FRMD3: variants seen among roughly 807,000 people sequenced by gnomAD.
The protein encoded by FRMD3 is FERM domain containing 3.
FRMD3 carries 33 observed loss-of-function variants against 70.2 expected under a neutral mutation model. The observed-to-expected ratio is 0.47, with a 90% CI of 0.36 to 0.63. FRMD3 has a LOEUF of 0.63. Among genes scored for constraint, FRMD3 ranks in the 20% least tolerant of loss-of-function variants. The pLI, the probability that FRMD3 is intolerant of heterozygous loss-of-function variation, is 0.00. For missense variants in FRMD3, 632 were observed against 711.4 expected, an observed-to-expected ratio of 0.89 and a Z score of 1.27; for synonymous variants, 279 against 255.9, an observed-to-expected ratio of 1.09 and a Z score of -0.86.
intron 1 of FRMD3, among the ~76,000 whole-genome samples, chr9:83,498,032 C>A (rs1306886211): frequency 6.6e-6 from 1 of 152,122 alleles, no homozygotes; most frequent in South Asian, 2.1e-4. Context: ...CCTGTAATCC[C>A]AGCTCCTTGG....
chr9:83,490,796 T>A (rs35981439), intron 1 of FRMD3, among the ~76,000 whole-genome samples: 34,314 of 110,622 alleles, frequency 0.31, 4,459 homozygotes, highest in East Asian at 0.45. Flanking sequence ...TCTCTCTCTC[T>A]CTCACACACA....
chr9:83,577,151 A>G, the FRMD3 span, among the ~76,000 whole-genome samples: 1 of 152,236 alleles, frequency 6.6e-6, no homozygotes, highest in Non-Finnish European at 1.5e-5. Context: ...AATACCCTCA[A>G]ATTGATCTAT....
chr9:83,494,102 C>T (rs1266881034), intron 1 of FRMD3, among the ~76,000 whole-genome samples: 1 of 152,210 alleles, frequency 6.6e-6, no homozygotes, highest in Admixed American at 6.5e-5. Flanking sequence ...ATGGGTGTAG[C>T]AGTGCCAACA....
At chr9:83,278,229 A>T (rs998944457) in intron 13 of FRMD3, among the ~76,000 whole-genome samples, 2 of 152,202 alleles carry the variant, frequency 1.3e-5, no homozygotes, top group African/African-American at 4.8e-5. Flanking sequence ...CAGCCTATTC[A>T]AGGGAGAACG....
intron 3 of FRMD3, 34 bp from the exon 4 acceptor site, chr9:83,349,791 C>T (rs1452015791): frequency 6.6e-7 from 1 of 1,518,260 alleles, no homozygotes; most frequent in Non-Finnish European, 9.1e-7. Flanking sequence ...ATGAGAAAAG[C>T]AGCAAAAGAC....
intron 3 of FRMD3, among the ~76,000 whole-genome samples, chr9:83,359,278 G>A (rs1236081075): frequency 2.6e-5 from 4 of 152,196 alleles, no homozygotes. Flanking sequence ...GGAATGCTGA[G>A]TGGTTGCCTC....
chr9:83,282,361 G>A (rs1017140222), intron 13 of FRMD3, among the ~76,000 whole-genome samples: 6 of 152,148 alleles, frequency 3.9e-5, no homozygotes, highest in South Asian at 2.1e-4. Flanking sequence ...CGTCTAAAAC[G>A]TAACTGTTCA....
intron 1 of FRMD3, among the ~76,000 whole-genome samples, chr9:83,425,409 G>A (rs574072640): frequency 2.0e-5 from 3 of 152,212 alleles, no homozygotes; most frequent in South Asian, 4.2e-4. Flanking sequence ...GGAGAGGTGG[G>A]GGCCATCAGA....
At chr9:83,342,804 T>C (rs1450788315) in intron 5 of FRMD3, among the ~76,000 whole-genome samples, 1 of 152,066 alleles carries the variant, frequency 6.6e-6, no homozygotes, top group African/African-American at 2.4e-5. Flanking sequence ...AGATGCAGAT[T>C]CCCCTCTCAA....
chr9:83,553,468 T>A, the FRMD3 span, among the ~76,000 whole-genome samples: 1 of 152,168 alleles, frequency 6.6e-6, no homozygotes, highest in South Asian at 2.1e-4. Context: ...GATCTTCTTG[T>A]GTAGAAGAAG....
At chr9:83,452,567 C>T (rs868383868) in intron 1 of FRMD3, among the ~76,000 whole-genome samples, 20 of 151,790 alleles carry the variant, frequency 1.3e-4, no homozygotes, top group Middle Eastern at 3.4e-3. Flanking sequence ...CTGCAAGCAC[C>T]GCCTCCCGGG....
chr9:83,536,930 T>TTAAAA (rs1829904792), intron 1 of FRMD3, among the ~76,000 whole-genome samples: 1 of 60,894 alleles, frequency 1.6e-5, no homozygotes, highest in Non-Finnish European at 3.2e-5. Flanking sequence ...TGTATTACAC[T>TTAAAA]AAAAAAAAAA....
At chr9:83,471,573 C>T (rs1198878010) in intron 1 of FRMD3, among the ~76,000 whole-genome samples, 2 of 152,154 alleles carry the variant, frequency 1.3e-5, no homozygotes, top group Non-Finnish European at 2.9e-5. Flanking sequence ...GCCCGTACTG[C>T]TCCACACAAA....
the FRMD3 span, among the ~76,000 whole-genome samples, chr9:83,543,910 C>A: frequency 6.6e-6 from 1 of 152,106 alleles, no homozygotes; most frequent in Admixed American, 6.5e-5. Context: ...ATGAAGCCTC[C>A]TACTCCCCGC....
intron 12 of FRMD3, chr9:83,297,825 G>A (rs975079525): frequency 2.1e-6 from 1 of 471,734 alleles, no homozygotes; most frequent in Admixed American, 2.3e-5. Context: ...ATCTACATGG[G>A]ATATCATGCC....
intron 3 of FRMD3, among the ~76,000 whole-genome samples, chr9:83,359,146 C>G (rs1208296933): frequency 6.6e-6 from 1 of 152,168 alleles, no homozygotes; most frequent in Non-Finnish European, 1.5e-5. Context: ...TTTTTAAAAT[C>G]ATGTTTAATT....
chr9:83,286,576 C>T (rs988226304), intron 13 of FRMD3, among the ~76,000 whole-genome samples: 12 of 152,182 alleles, frequency 7.9e-5, no homozygotes, highest in African/African-American at 2.9e-4. Context: ...AGGTGATCCA[C>T]CCGCCTCAGC....
intron 10 of FRMD3, among the ~76,000 whole-genome samples, chr9:83,301,149 G>A (rs890195877): frequency 1.3e-5 from 2 of 152,152 alleles, no homozygotes; most frequent in Admixed American, 1.3e-4. Context: ...GGCCCTGGGG[G>A]GGGCCCTGCA....
Position 83,272,276 on chromosome 9 carries a change from G to GT in FRMD3, c.1195+18326dup, listed in dbSNP as rs1182632667. ...GCGCCGCCACGCCTGACTGGTTTTCGTTTTTTTTTTTGGTGGAGACGGGGT... is the reference window on the plus strand; with the variant it reads ...GCGCCGCCACGCCTGACTGGTTTTCGTTTTTTTTTTTTGGTGGAGACGGGGT... On this transcript the variant is annotated intron_variant, in intron 13 of 13. Coordinates refer to ENST00000304195, the MANE Select transcript of FRMD3 (RefSeq NM_174938.6). 7.4e-3 allele frequency among the ~76,000 whole-genome samples: 1,077 copies of GT among 145,874 alleles called. 10 individuals are homozygous for GT. Among genetic ancestry groups the GT allele is most frequent in the African/African-American group, 0.017 (697 of 40,176 alleles).
Sources: allele counts gnomAD v4.1 joint callset (sites outside exome capture counted in the v4.1 genomes callset), GRCh38; gene constraint gnomAD v4.1.1; transcripts MANE v1.5; gene names NCBI Gene and HGNC (gene_info 2026-07-23, HGNC 2026-07-21).